Variants in ATF7IP2 observed in about 807,000 individuals in gnomAD.
ATF7IP2 encodes activating transcription factor 7-interacting protein 2.
Under a neutral mutation model 64.2 loss-of-function variants are expected in ATF7IP2, and 42 were observed. That is an observed-to-expected ratio of 0.65 (90% CI 0.51 to 0.85). The LOEUF (loss-of-function observed/expected upper bound fraction) is 0.85. ATF7IP2 is among the 40% of genes least tolerant of loss of function. The pLI is 0.00. For missense variants in ATF7IP2, 933 were observed against 784.2 expected (o/e 1.19, Z -2.27); for synonymous variants, 308 against 272.8 (o/e 1.13, Z -1.27).
chr16:10,402,804 G>GTGC (rs1385645481), intron 1 of ATF7IP2, among the ~76,000 whole-genome samples: 1 of 151,776 alleles, frequency 6.6e-6, no homozygotes, highest in Non-Finnish European at 1.5e-5. Context: ...GCCAGGTACA[G>GTGC]TGGCTCCCTC....
intron 1 of ATF7IP2, among the ~76,000 whole-genome samples, chr16:10,387,957 A>T (rs1317380580): frequency 6.6e-6 from 1 of 151,594 alleles, no homozygotes; most frequent in Non-Finnish European, 1.5e-5. Context: ...GGCTGGAGTG[A>T]AGTGGCGCGA....
chr16:10,426,890 T>C (rs2048096817), intron 3 of ATF7IP2, among the ~76,000 whole-genome samples: 1 of 152,188 alleles, frequency 6.6e-6, no homozygotes. Flanking sequence ...TCCCACTCTG[T>C]TGTCCAGGCT....
chr16:10,440,398 C>T lies in ATF7IP2; in HGVS notation c.1130C>T (p.Thr377Ile), dbSNP rs2048575602. Residue 377 changes from threonine (T) to isoleucine (I), a missense_variant, in exon 8 of 14, where the codon ACA (threonine) becomes ATA (isoleucine). Physicochemically the swap from Thr to Ile is moderately conservative, Grantham distance 89. Coordinates refer to ENST00000562102, the MANE Select transcript of ATF7IP2 (RefSeq NM_001393719.1). Reference sequence around the variant, plus strand: ...GCAAAACTTCAAAGACGTATTAAAACAGTATTATTATTTCAAAGGAATTGT... The same window carrying T: ...GCAAAACTTCAAAGACGTATTAAAATAGTATTATTATTTCAAAGGAATTGT... ...KIAKLQRRIK[T>I]VLLFQRNCLK... 6.4e-7 allele frequency: 1 copy of T among 1,562,682 alleles called. No individual in the cohort carries two copies. The highest frequency in any genetic ancestry group is 8.6e-7 in the Non-Finnish European group (1 of 1,160,914).
At chr16:10,429,211 A>G (rs1185494416) in intron 4 of ATF7IP2, among the ~76,000 whole-genome samples, 195 bp downstream of exon 4, 1 of 152,242 alleles carries the variant, frequency 6.6e-6, no homozygotes, top group African/African-American at 2.4e-5. Flanking sequence ...GGAAAATAAT[A>G]CAAAAATTGT....
chr16:10,427,897 C>T (rs928112941), intron 3 of ATF7IP2, among the ~76,000 whole-genome samples: 2 of 149,654 alleles, frequency 1.3e-5, no homozygotes, highest in Non-Finnish European at 3.0e-5. Flanking sequence ...AGATCTTTCA[C>T]AAATGATCAG....
At chr16:10,419,952 G>C (rs1435079576) in intron 3 of ATF7IP2, among the ~76,000 whole-genome samples, 6 of 152,192 alleles carry the variant, frequency 3.9e-5, no homozygotes, top group African/African-American at 1.2e-4. Flanking sequence ...GATAGCATCT[G>C]GCCTTTAGGC....
chr16:10,435,829 T>C (rs542073940), intron 6 of ATF7IP2, among the ~76,000 whole-genome samples: 4 of 152,338 alleles, frequency 2.6e-5, no homozygotes, highest in African/African-American at 9.6e-5. Context: ...GGATCCAGGA[T>C]GTGGCCTAGG....
intron 1 of ATF7IP2, among the ~76,000 whole-genome samples, chr16:10,388,733 G>T (rs1436327320): frequency 6.6e-6 from 1 of 152,146 alleles, no homozygotes; most frequent in East Asian, 1.9e-4. Flanking sequence ...TTTGTAGGCC[G>T]GGCGCGGTGG....
chr16:10,418,870 A>C (rs1305478838), intron 2 of ATF7IP2, among the ~76,000 whole-genome samples: 1 of 152,176 alleles, frequency 6.6e-6, no homozygotes, highest in African/African-American at 2.4e-5. Flanking sequence ...GTTTCCAGAT[A>C]ATAGGAACTC....
intron 8 of ATF7IP2, chr16:10,446,541 T>A (rs1179315048): frequency 6.6e-6 from 1 of 152,296 alleles, no homozygotes; most frequent in Middle Eastern, 3.4e-3. Context: ...GCTCTTACTA[T>A]TAATATGTTC....
In ATF7IP2 at chr16:10,433,623, G is replaced by A; in HGVS notation, c.934G>A (p.Glu312Lys). ...QINENICVSL[E>K]RQTAFLEQVR... ...TAATGAAAATATTTGTGTAAGTTTG[G>A]AAAGGCAAACAGCATTCCTGGAACA... Residue 312 changes from glutamate (E) to lysine (K), a missense_variant, in exon 6 of 14, where the codon GAA (glutamate) becomes AAA (lysine). By Grantham distance (56) the Glu-to-Lys change is moderately conservative (BLOSUM62 1). Coordinates refer to ENST00000562102, the MANE Select transcript of ATF7IP2 (RefSeq NM_001393719.1). 1.9e-6 allele frequency: 3 copies of A among 1,613,832 alleles called. No individual in the cohort carries two copies. Among genetic ancestry groups the A allele is most frequent in the Non-Finnish European group, 2.5e-6 (3 of 1,179,860 alleles).
intron 9 of ATF7IP2, among the ~76,000 whole-genome samples, chr16:10,463,139 G>C (rs1361863581): frequency 6.6e-6 from 1 of 152,080 alleles, no homozygotes; most frequent in African/African-American, 2.4e-5. Context: ...TGTGTTTGCT[G>C]TTTTACATCT....
rs2048279156 is a variant in ATF7IP2 at position 10,432,100 on chromosome 16, G to A, written c.835+645G>A. On this transcript the variant is annotated intron_variant, in intron 5 of 13. Transcript: ENST00000562102. ...GATCCACCCGCCTTGGCCTCCCAAA[G>A]TGCTGGGATTACAGGCGTGAGCCAC... Among the ~76,000 whole-genome samples the A allele has an allele frequency of 2.0e-5, 3 of 149,288 alleles. No homozygotes were observed. The South Asian group carries it at 6.3e-4, about 31-fold the overall frequency.
At chr16:10,444,559 G>A (rs978553890) in intron 8 of ATF7IP2, among the ~76,000 whole-genome samples, 1 of 152,156 alleles carries the variant, frequency 6.6e-6, no homozygotes, top group Non-Finnish European at 1.5e-5. Flanking sequence ...GTCTTTTTGA[G>A]GGGCAGTTCG....
At chr16:10,457,249 A>G in intron 8 of ATF7IP2, 123 bp from the exon 9 acceptor site, 1 of 783,920 alleles carries the variant, frequency 1.3e-6, no homozygotes, top group Non-Finnish European at 2.0e-6. Context: ...CCATCGAAAT[A>G]CATGTGATTT....
At chr16:10,458,921 C>T (rs940208930) in intron 9 of ATF7IP2, among the ~76,000 whole-genome samples, 2 of 152,214 alleles carry the variant, frequency 1.3e-5, no homozygotes, top group Admixed American at 6.5e-5. Flanking sequence ...CGCGGTGGCT[C>T]ACGCCTGTAA....
rs1177962002 is a variant in ATF7IP2 at position 10,483,504 on chromosome 16, G to T, written c.*1255G>T. On this transcript the variant is annotated 3_prime_UTR_variant, in exon 14 of 14. Coordinates refer to ENST00000562102, the MANE Select transcript of ATF7IP2 (RefSeq NM_001393719.1). ...GAAACAAAAATAATCCCAACTGTTT[G>T]AAAGTTCGAAAGAGGGGCATTCTTT... 1 of 152,120 alleles carries T rather than the reference G, an allele frequency of 6.6e-6. No homozygotes were observed. Among genetic ancestry groups the T allele is most frequent in the Non-Finnish European group, 1.5e-5 (1 of 68,014 alleles). 9.4% of individuals were successfully genotyped at this position (152,120 alleles called of 1,614,324 possible).
At chr16:10,391,109 A>G (rs1259808646) in intron 1 of ATF7IP2, among the ~76,000 whole-genome samples, 1 of 151,686 alleles carries the variant, frequency 6.6e-6, no homozygotes, top group African/African-American at 2.4e-5. Flanking sequence ...GTGAGCTATG[A>G]TCGCGCCATT....
chr16:10,387,360 A>T (rs942843551), intron 1 of ATF7IP2: 8 of 152,230 alleles, frequency 5.3e-5, no homozygotes, highest in Non-Finnish European at 1.2e-4. Flanking sequence ...ATCTTAATCA[A>T]ATTTACTTCA....
Sources: gnomAD v4.1 joint callset for allele counts (sites outside exome capture counted in the v4.1 genomes callset) on GRCh38, gnomAD v4.1.1 for gene constraint, MANE v1.5 for transcripts, NCBI Gene and HGNC (gene_info 2026-07-23, HGNC 2026-07-21) for gene names.